The following ANKRD50 variants were observed in gnomAD, a reference collection of about 807,000 sequenced individuals.
The protein encoded by ANKRD50 is ankyrin repeat domain 50.
A neutral mutation model predicts 112.0 loss-of-function variants in ANKRD50; 40 were observed. That is an observed-to-expected ratio of 0.36 (90% CI 0.28 to 0.46). ANKRD50 has a LOEUF of 0.46. Among genes scored for constraint, ANKRD50 ranks in the 20% least tolerant of loss-of-function variants. The probability of loss-of-function intolerance (pLI) is 1.00; values close to 1 mark genes in which losing one functional copy is unlikely to be tolerated. For synonymous variants in ANKRD50, 613 were observed against 619.1 expected (o/e 0.99, Z 0.15); for missense variants, 1,487 against 1,701.7 (o/e 0.87, Z 2.22).
intron 2 of ANKRD50, 100 bp from the exon 3 acceptor site, chr4:124,679,005 A>T (rs764823846): frequency 5.4e-6 from 5 of 930,184 alleles, no homozygotes; most frequent in Non-Finnish European, 7.9e-6. Flanking sequence ...TTCTTTAAGA[A>T]TAAAATAAGG....
chr4:124,710,051 C>G lies in ANKRD50; in HGVS notation c.461G>C (p.Ser154Thr), dbSNP rs748473709. 1 of 1,614,170 alleles carries G rather than the reference C, an allele frequency of 6.2e-7. No homozygotes were observed. Among genetic ancestry groups the G allele is most frequent in the South Asian group, 1.1e-5 (1 of 91,084 alleles). ...EDKLRDPAVQ[S>T]LLQPGECERN... The stretch of plus-strand genomic sequence containing the variant: ...CTCGCACTCCCCAGGCTGTAAGAGG[C>G]TTTGGACTGCTGGATCCCTTAGCTT... Residue 154 changes from serine to threonine, a missense_variant, in exon 2 of 5, where the codon AGC becomes ACC. Transcript: ENST00000504087.
At chr4:124,700,681 T>TA (rs1725369719) in intron 2 of ANKRD50, among the ~76,000 whole-genome samples, 1 of 152,220 alleles carries the variant, frequency 6.6e-6, no homozygotes, top group African/African-American at 2.4e-5. Context: ...TGGTATATCA[T>TA]AAACACCCCA....
chr4:124,694,795 T>C (rs1252549964), intron 2 of ANKRD50, among the ~76,000 whole-genome samples: 1 of 151,994 alleles, frequency 6.6e-6, no homozygotes, highest in African/African-American at 2.4e-5. Context: ...TTCAAGATCA[T>C]ACTGGGGATG....
Position 124,664,510 on chromosome 4 carries a change from T to C in ANKRD50, c.*3008A>G, listed in dbSNP as rs778468039. ...CTCTGTAAAGCAAATATATTTATTA[T>C]GCACTTTCATATACACAGGGATTTT... is the stretch of plus-strand genomic sequence containing the variant. On this transcript the variant is annotated 3_prime_UTR_variant, in exon 5 of 5. Coordinates refer to ENST00000504087, the MANE Select transcript of ANKRD50 (RefSeq NM_020337.3). 5.2e-5 allele frequency: 8 copies of C among 152,582 alleles called. No individual in the cohort carries two copies. Among genetic ancestry groups the C allele is most frequent in the Admixed American group, 2.0e-4 (3 of 15,258 alleles). 9.5% of individuals were successfully genotyped at this position (152,582 alleles called of 1,614,324 possible). A position where few individuals can be genotyped will look rare whatever the true frequency, so the allele number is the denominator to read the frequency against.
chr4:124,690,353 G>A lies in ANKRD50; in HGVS notation c.513-11448C>T, dbSNP rs559696673. Among the ~76,000 whole-genome samples the A allele has an allele frequency of 1.8e-4, 27 of 152,260 alleles. No individual in the cohort carries two copies. The South Asian group carries it at 5.2e-3, about 29-fold the overall frequency. ...CAATTACCTCATTTCCTATACTCTT[G>A]ATAACTGATCTTTTCTTAAGATTAA... On this transcript the variant is annotated intron_variant, in intron 2 of 4. Coordinates refer to ENST00000504087, the MANE Select transcript of ANKRD50 (RefSeq NM_020337.3).
intron 2 of ANKRD50, among the ~76,000 whole-genome samples, chr4:124,695,650 A>G (rs1380601165): frequency 6.6e-6 from 1 of 152,190 alleles, no homozygotes; most frequent in Non-Finnish European, 1.5e-5. Context: ...GGAGATTTGC[A>G]AGAATTTGAA....
At chr4:124,677,346 T>A (rs1034516682) in intron 3 of ANKRD50, among the ~76,000 whole-genome samples, 2 of 151,826 alleles carry the variant, frequency 1.3e-5, no homozygotes, top group Non-Finnish European at 3.0e-5. Flanking sequence ...TCATGAAGCA[T>A]TTTTTGTAAC....
intron 2 of ANKRD50, among the ~76,000 whole-genome samples, chr4:124,685,948 A>G (rs1724997225): frequency 6.6e-6 from 1 of 152,200 alleles, no homozygotes; most frequent in African/African-American, 2.4e-5. Flanking sequence ...GTAGATATAC[A>G]TTGAGGAAGG....
chr4:124,688,939 T>C (rs959293813), intron 2 of ANKRD50, among the ~76,000 whole-genome samples: 1 of 152,172 alleles, frequency 6.6e-6, no homozygotes, highest in African/African-American at 2.4e-5. Context: ...CTTCAAGGTT[T>C]TTATTATCCT....
chr4:124,697,322 TATTTCAAA>T (rs1725276771), intron 2 of ANKRD50, among the ~76,000 whole-genome samples: 1 of 152,196 alleles, frequency 6.6e-6, no homozygotes, highest in African/African-American at 2.4e-5. Context: ...AACCCTGATG[TATTTCAAA>T]ATCAAAGGTT....
rs961012261 is a variant in ANKRD50, at chr4:124,684,095, G to A, written c.513-5190C>T. Among the ~76,000 whole-genome samples, 7 of 151,580 alleles carry A rather than the reference G, an allele frequency of 4.6e-5. No homozygotes were observed. In the East Asian group the frequency reaches 1.4e-3, roughly 29 times the overall value. On this transcript the variant is annotated intron_variant, in intron 2 of 4. Coordinates refer to ENST00000504087, the MANE Select transcript of ANKRD50 (RefSeq NM_020337.3). ...TAACTTGGGCAATCACTCATTAATT[G>A]TTTTCATTTAAGGCAATATATTTGG...
At chr4:124,696,547 C>T (rs1725256958) in intron 2 of ANKRD50, among the ~76,000 whole-genome samples, 1 of 151,950 alleles carries the variant, frequency 6.6e-6, no homozygotes, top group Admixed American at 6.5e-5. Flanking sequence ...AGAAAAAATA[C>T]CAAGAAACCA....
intron 3 of ANKRD50, among the ~76,000 whole-genome samples, chr4:124,676,002 T>C (rs1026337326): frequency 4.0e-5 from 6 of 151,738 alleles, no homozygotes; most frequent in African/African-American, 1.4e-4. Flanking sequence ...AATTTAGACA[T>C]AGTAAAGATC....
intron 2 of ANKRD50, among the ~76,000 whole-genome samples, chr4:124,692,010 C>T (rs148213177): frequency 9.8e-5 from 15 of 152,316 alleles, no homozygotes; most frequent in African/African-American, 3.6e-4. Context: ...AGTCAAAATG[C>T]AGGCACACCA....
rs749428839 is a variant in ANKRD50 at position 124,678,753 on chromosome 4, T to C, written c.665A>G (p.His222Arg). Residue 222 changes from histidine to arginine, a missense_variant, in exon 3 of 5, where the codon CAT becomes CGT. Coordinates refer to ENST00000504087, the MANE Select transcript of ANKRD50 (RefSeq NM_020337.3). ...GTVAALLAGH[H>R]EFFPPWLLLL... ...CAATAGCCATGGTGGAAAGAACTCATGGTGACCAGCTAAAAGTGCTGCAAC... is the reference window on the plus strand; with the variant it reads ...CAATAGCCATGGTGGAAAGAACTCACGGTGACCAGCTAAAAGTGCTGCAAC... 44 of 1,613,788 alleles carry C rather than the reference T, an allele frequency of 2.7e-5. No homozygotes were observed. In the Admixed American group the frequency reaches 5.7e-4, roughly 21 times the overall value.
chr4:124,711,260 A>C lies in ANKRD50; in HGVS notation c.-749T>G, dbSNP rs771997502. The C allele has an allele frequency of 1.3e-5, 2 of 152,732 alleles. No homozygotes were observed. Among genetic ancestry groups the C allele is most frequent in the Non-Finnish European group, 2.9e-5 (2 of 68,416 alleles). 9.5% of individuals were successfully genotyped at this position (152,732 alleles called of 1,614,324 possible). On this transcript the variant is annotated 5_prime_UTR_variant, in exon 2 of 5. It adds an upstream start codon to the 5' untranslated region. Coordinates refer to ENST00000504087, the MANE Select transcript of ANKRD50 (RefSeq NM_020337.3). The stretch of plus-strand genomic sequence containing the variant: ...GTTTTAAGACGTCCGGGTAATCAAC[A>C]ATTTCCACAAGTAACTAAAATAAAA...
Position 124,664,773 on chromosome 4 carries a change from G to T in ANKRD50, c.*2745C>A, listed in dbSNP as rs564309920. 1 of 152,072 alleles carries T rather than the reference G, an allele frequency of 6.6e-6. No individual in the cohort carries two copies. Among genetic ancestry groups the T allele is most frequent in the African/African-American group, 2.4e-5 (1 of 41,542 alleles). 9.4% of individuals were successfully genotyped at this position (152,072 alleles called of 1,614,324 possible). On this transcript the variant is annotated 3_prime_UTR_variant, in exon 5 of 5. Transcript: ENST00000504087. ...TTTTAAGTATCAAACTATTTTTGGT[G>T]AGAATTCCAGTGAGGGTGGGGGTGA...
chr4:124,702,848 A>C (rs1725420238), intron 2 of ANKRD50, among the ~76,000 whole-genome samples: 1 of 152,180 alleles, frequency 6.6e-6, no homozygotes. Flanking sequence ...TCTAACACAT[A>C]GTTGACACTG....
chr4:124,675,188 T>C (rs1363164082), intron 3 of ANKRD50, among the ~76,000 whole-genome samples: 3 of 151,848 alleles, frequency 2.0e-5, no homozygotes, highest in African/African-American at 4.8e-5. Flanking sequence ...TTTCTATTCT[T>C]ACTTGAACTT....
Sources: gnomAD v4.1 joint callset for allele counts (sites outside exome capture counted in the v4.1 genomes callset) on GRCh38, gnomAD v4.1.1 for gene constraint, MANE v1.5 for transcripts, NCBI Gene and HGNC (gene_info 2026-07-23, HGNC 2026-07-21) for gene names.